The following MAD2L1BP variants were observed in gnomAD, a reference collection of about 807,000 sequenced individuals.
MAD2L1BP encodes MAD2L1 binding protein, also known as MAD2L1-binding protein.
MAD2L1BP carries 22 observed loss-of-function variants against 28.4 expected under a neutral mutation model. The observed-to-expected ratio is 0.77, with a 90% CI of 0.55 to 1.10. MAD2L1BP has a LOEUF of 1.10. MAD2L1BP is among the 50% of genes least tolerant of loss of function. The pLI, the probability that MAD2L1BP is intolerant of heterozygous loss-of-function variation, is 0.00. For synonymous variants in MAD2L1BP, 146 were observed against 133.7 expected (o/e 1.09, Z -0.63); for missense variants, 325 against 350.5 (o/e 0.93, Z 0.58).
intron 2 of MAD2L1BP, among the ~76,000 whole-genome samples, chr6:43,637,456 C>T (rs1313725019): frequency 3.5e-5 from 5 of 143,928 alleles, no homozygotes; most frequent in Admixed American, 2.1e-4. Flanking sequence ...GACAGAGTCT[C>T]GCCTTGTCAC....
At chr6:43,632,846 C>A (rs1011171470), upstream of MAD2L1BP, among the ~76,000 whole-genome samples, 1 of 151,566 alleles carries the variant, frequency 6.6e-6, no homozygotes, top group African/African-American at 2.4e-5. Flanking sequence ...CATGGTGAAA[C>A]CCCATCTCTA....
chr6:43,636,759 C>A, intron 2 of MAD2L1BP, 113 bp downstream of exon 2: 4 of 1,286,552 alleles, frequency 3.1e-6, no homozygotes, highest in Non-Finnish European at 4.3e-6. Context: ...TAAGCAGCTT[C>A]CAGGGCTTCG....
chr6:43,630,928 AAAAG>A (rs1167608739), upstream of MAD2L1BP, among the ~76,000 whole-genome samples: 1 of 151,070 alleles, frequency 6.6e-6, no homozygotes, highest in Non-Finnish European at 1.5e-5. Flanking sequence ...AAAAAAAAAA[AAAAG>A]AAAGAAAAAG....
chr6:43,636,483 G>A lies in MAD2L1BP; in HGVS notation c.149G>A (p.Cys50Tyr), dbSNP rs765108575. The A allele has an allele frequency of 9.9e-6, 16 of 1,614,082 alleles. No individual in the cohort carries two copies. Among genetic ancestry groups the A allele is most frequent in the Non-Finnish European group, 1.4e-5 (16 of 1,180,050 alleles). Reference protein sequence around the residue: ...QEPLNASEAFCPRDCMVPVVF... With the variant: ...QEPLNASEAFYPRDCMVPVVF... ...CCTCTCAACGCTTCGGAGGCCTTTT[G>A]CCCAAGAGACTGCATGGTACCAGTG... The change falls in exon 2 of 3, where the codon TGC (cysteine) becomes TAC (tyrosine). Residue 50 changes from cysteine (C) to tyrosine (Y), a missense_variant. By Grantham distance (194) the Cys-to-Tyr change is radical. Transcript: ENST00000372171.
chr6:43,637,970 G>A (rs897165453), intron 2 of MAD2L1BP, among the ~76,000 whole-genome samples: 1 of 151,602 alleles, frequency 6.6e-6, no homozygotes, highest in Non-Finnish European at 1.5e-5. Flanking sequence ...GAGCGATCTC[G>A]GCTCACTGCA....
At chr6:43,634,508 A>G (rs1770093816), upstream of MAD2L1BP, among the ~76,000 whole-genome samples, 1 of 152,038 alleles carries the variant, frequency 6.6e-6, no homozygotes, top group Non-Finnish European at 1.5e-5. Context: ...TTTCCCATAC[A>G]ATTGCTGAAG....
At chr6:43,637,928 C>T (rs1332516682) in intron 2 of MAD2L1BP, among the ~76,000 whole-genome samples, 2 of 146,060 alleles carry the variant, frequency 1.4e-5, no homozygotes, top group Admixed American at 6.9e-5. Flanking sequence ...GAAGGAGTCT[C>T]GCTCTTGTGT....
upstream of MAD2L1BP, chr6:43,635,675 C>A: frequency 1.9e-6 from 1 of 534,040 alleles, no homozygotes; most frequent in Non-Finnish European, 3.2e-6. Flanking sequence ...CCCTGCTGGG[C>A]AAGGGTTAGG....
exon 1 of MAD2L1BP, chr6:43,629,652 G>A: frequency 1.5e-6 from 2 of 1,324,436 alleles, no homozygotes; most frequent in Admixed American, 3.9e-5. Flanking sequence ...CTTTAGCGCG[G>A]ATCCTAGACA....
chr6:43,635,447 ACTTTT>A (rs1770143386), upstream of MAD2L1BP, among the ~76,000 whole-genome samples: 1 of 152,052 alleles, frequency 6.6e-6, no homozygotes, highest in African/African-American at 2.4e-5. Flanking sequence ...CCCCGTGTAC[ACTTTT>A]CTGTATAATT....
At chr6:43,636,990 G>C (rs1770263912) in intron 2 of MAD2L1BP, 1 of 188,826 alleles carries the variant, frequency 5.3e-6, no homozygotes, top group East Asian at 1.4e-4. Flanking sequence ...CGATTCTGCT[G>C]CCTCAGCCTC....
At chr6:43,639,431 G>A (rs1160251695) in intron 2 of MAD2L1BP, among the ~76,000 whole-genome samples, 9 of 152,204 alleles carry the variant, frequency 5.9e-5, no homozygotes, top group Non-Finnish European at 8.8e-5. Context: ...AAGCCACTGC[G>A]CCCAGCCAAC....
rs761873504 is a variant in MAD2L1BP at position 43,640,405 on chromosome 6, C to A, written c.697C>A (p.Arg233=). 2 of 1,613,986 alleles carry A rather than the reference C, an allele frequency of 1.2e-6. No individual in the cohort carries two copies. The highest frequency in any genetic ancestry group is 4.5e-5 in the East Asian group (2 of 44,886). Residue 233 remains arginine (R), a synonymous_variant, in exon 3 of 3, where the codon CGA becomes AGA. Coordinates refer to ENST00000372171, the MANE Select transcript of MAD2L1BP (RefSeq NM_014628.3). The stretch of plus-strand genomic sequence containing the variant: ...TTGGTTTCGACCCAAGCTCAACTAT[C>A]GAGTGCCCAGCCGGGGCCATAAACT... The part of the protein sequence containing the change: ...EDWFRPKLNY[R]VPSRGHKLTV...
upstream of MAD2L1BP, among the ~76,000 whole-genome samples, chr6:43,634,713 A>G (rs1413117684): frequency 6.6e-6 from 1 of 152,020 alleles, no homozygotes; most frequent in African/African-American, 2.4e-5. Flanking sequence ...GGTGCATGCC[A>G]CCATGTCTGG....
At chr6:43,629,751 T>G in exon 1 of MAD2L1BP, 1 of 1,555,814 alleles carries the variant, frequency 6.4e-7, no homozygotes, top group South Asian at 1.2e-5. Context: ...TCTTCCCCTA[T>G]GGCCCGCGTG....
At chr6:43,633,133 C>A, upstream of MAD2L1BP, 1 of 412,144 alleles carries the variant, frequency 2.4e-6, no homozygotes, top group South Asian at 1.8e-5. Flanking sequence ...TAGGCTGGAG[C>A]TGCCATGCCC....
At chr6:43,634,901 A>G (rs1024151856), upstream of MAD2L1BP, among the ~76,000 whole-genome samples, 3 of 151,936 alleles carry the variant, frequency 2.0e-5, no homozygotes, top group African/African-American at 7.3e-5. Context: ...TTGTAAATCA[A>G]TCCCCAAGTT....
At position 43,635,871 on chromosome 6, in the gene MAD2L1BP, T is replaced by G. The variant is rs1341765832; in HGVS notation, c.-5T>G. The G allele has an allele frequency of 1.4e-6, 2 of 1,477,152 alleles. No individual in the cohort carries two copies. The highest frequency in any genetic ancestry group is 1.5e-5 in the African/African-American group (1 of 67,162). 91.5% of individuals were successfully genotyped at this position (1,477,152 alleles called of 1,614,324 possible). A position where few individuals can be genotyped will look rare whatever the true frequency, so the allele number is the denominator to read the frequency against. On this transcript the variant is annotated 5_prime_UTR_variant, in exon 1 of 3. Coordinates refer to ENST00000372171, the MANE Select transcript of MAD2L1BP (RefSeq NM_014628.3). ...ACCGCAAGGAGTAGCGGAGGGGAGGTCGTGATGGCGGCGCCGGAGGCGGAG... is the reference window on the plus strand; with the variant it reads ...ACCGCAAGGAGTAGCGGAGGGGAGGGCGTGATGGCGGCGCCGGAGGCGGAG...
upstream of MAD2L1BP, among the ~76,000 whole-genome samples, chr6:43,634,433 T>C (rs900662244): frequency 6.6e-6 from 1 of 152,140 alleles, no homozygotes; most frequent in African/African-American, 2.4e-5. Flanking sequence ...TCCCCAATCT[T>C]GTCCTGGCTG....
Sources: allele counts gnomAD v4.1 joint callset (sites outside exome capture counted in the v4.1 genomes callset), GRCh38; gene constraint gnomAD v4.1.1; transcripts MANE v1.5; gene names NCBI Gene and HGNC (gene_info 2026-07-23, HGNC 2026-07-21).